Variants in RHOF observed in about 807,000 individuals in gnomAD.
RHOF encodes the protein ras homolog family member F, filopodia associated, also known as rho-related GTP-binding protein RhoF.
A neutral mutation model predicts 22.2 loss-of-function variants in RHOF; 21 were observed. That is an observed-to-expected ratio of 0.95 (90% CI 0.67 to 1.36). The LOEUF is 1.36. RHOF is among the 40% of genes most tolerant of loss of function. RHOF has a pLI of 0.00. For missense variants in RHOF, 285 were observed against 293.7 expected (o/e 0.97, Z 0.22); for synonymous variants, 135 against 131.2 (o/e 1.03, Z -0.20).
rs1874443924 is a variant in RHOF, at chr12:121,781,204, G to A, written c.227-12C>T. The A allele has an allele frequency of 6.2e-7, 1 of 1,612,404 alleles. No individual in the cohort carries two copies. Among genetic ancestry groups the A allele is most frequent in the African/African-American group, 1.3e-5 (1 of 74,910 alleles). On this transcript the variant is annotated splice_polypyrimidine_tract_variant and intron_variant, in intron 2 of 4. Transcript: ENST00000267205. ...ATAGTCTTCTTGCCCTGAAAGCACA[G>A]AGCAGCGGGGGTCAGGGGACGTCCC...
chr12:121,791,344 G>A (rs1269564992), intron 2 of RHOF, among the ~76,000 whole-genome samples: 6 of 152,162 alleles, frequency 3.9e-5, no homozygotes, highest in Non-Finnish European at 8.8e-5. Flanking sequence ...CAGGCTGGTG[G>A]ACATCATATA....
chr12:121,793,456 G>C (rs1874819839), intron 1 of RHOF, 40 bp downstream of exon 1: 1 of 1,536,196 alleles, frequency 6.5e-7, no homozygotes, highest in African/African-American at 1.4e-5. Flanking sequence ...AGGGTAAGGG[G>C]CGTCCCTCGC....
intron 4 of RHOF, chr12:121,780,013 C>G (rs1306453078): frequency 4.4e-6 from 1 of 227,826 alleles, no homozygotes; most frequent in Non-Finnish European, 8.7e-6. Flanking sequence ...CCAGCCACCT[C>G]TCTCCCTTCT....
chr12:121,785,541 C>A (rs955774071), intron 2 of RHOF, among the ~76,000 whole-genome samples: 6 of 151,490 alleles, frequency 4.0e-5, no homozygotes, highest in Non-Finnish European at 7.4e-5. Flanking sequence ...GTTCTCCTGC[C>A]TCAGCCTCTT....
chr12:121,779,151 A>G lies in RHOF; in HGVS notation c.*347T>C, dbSNP rs977288899. 28 of 279,704 alleles carry G rather than the reference A, an allele frequency of 1.0e-4. No homozygotes were observed. The highest frequency in any genetic ancestry group is 1.2e-3 in the Middle Eastern group (1 of 808). 17.3% of individuals were successfully genotyped at this position (279,704 alleles called of 1,614,324 possible). The stretch of plus-strand genomic sequence containing the variant: ...GCCCGCGTGGAACAGTGCCAGGTCT[A>G]CGTTTACCCACTACCAGATAGACTT... On this transcript the variant is annotated 3_prime_UTR_variant, in exon 5 of 5. Coordinates refer to ENST00000267205, the MANE Select transcript of RHOF (RefSeq NM_019034.3).
At chr12:121,786,913 G>A (rs1353763986) in intron 2 of RHOF, among the ~76,000 whole-genome samples, 2 of 152,064 alleles carry the variant, frequency 1.3e-5, no homozygotes, top group African/African-American at 2.4e-5. Flanking sequence ...GGCCAGGCAC[G>A]TGTAGTCCCA....
At position 121,779,278 on chromosome 12, in the gene RHOF, T is replaced by C. The variant is rs1874351835; in HGVS notation, c.*220A>G. Reference sequence around the variant, plus strand: ...AGTCCCGACAACAGACACTGGCTCCTGCACCCACATCACCACCATGTCCCA... The same window carrying C: ...AGTCCCGACAACAGACACTGGCTCCCGCACCCACATCACCACCATGTCCCA... On this transcript the variant is annotated 3_prime_UTR_variant, in exon 5 of 5. Coordinates refer to ENST00000267205, the MANE Select transcript of RHOF (RefSeq NM_019034.3). 1.7e-6 allele frequency: 1 copy of C among 588,748 alleles called. No homozygotes were observed. Among genetic ancestry groups the C allele is most frequent in the Non-Finnish European group, 3.0e-6 (1 of 332,614 alleles). The allele number at this position is 588,748 out of a possible 1,614,324, so 36.5% of individuals were successfully genotyped here. A position where few individuals can be genotyped will look rare whatever the true frequency, so the allele number is the denominator to read the frequency against.
intron 2 of RHOF, among the ~76,000 whole-genome samples, chr12:121,787,852 C>G (rs1400041632): frequency 1.5e-5 from 2 of 136,220 alleles, no homozygotes; most frequent in Non-Finnish European, 3.0e-5. Context: ...GATTGAACCA[C>G]TACACTCCAG....
Position 121,777,970 on chromosome 12 carries a change from T to A in RHOF, c.*1528A>T, listed in dbSNP as rs898927734. 6.6e-6 allele frequency: 1 copy of A among 152,126 alleles called. No homozygotes were observed. The highest frequency in any genetic ancestry group is 1.5e-5 in the Non-Finnish European group (1 of 68,054). 9.4% of individuals were successfully genotyped at this position (152,126 alleles called of 1,614,324 possible). A position where few individuals can be genotyped will look rare whatever the true frequency, so the allele number is the denominator to read the frequency against. ...AGGCTCCTTCCTTTGGCAACCTGAC[T>A]TCTTGGAAGCTCAGGTTTAGCTGAC... On this transcript the variant is annotated 3_prime_UTR_variant, in exon 5 of 5. Transcript: ENST00000267205.
rs757075007 is a variant in RHOF at position 121,779,699 on chromosome 12, C to T, written c.472-37G>A. On this transcript the variant is annotated intron_variant, in intron 4 of 4. Coordinates refer to ENST00000267205, the MANE Select transcript of RHOF (RefSeq NM_019034.3). ...GAGGAGCCAGCATTAGGTGAGGGGC[C>T]CCTGGAGGTCTCCTAGCACCACCTG... The T allele has an allele frequency of 4.3e-6, 7 of 1,609,838 alleles. No homozygotes were observed. In the Admixed American group the frequency reaches 5.0e-5, roughly 12 times the overall value.
At chr12:121,787,347 A>G (rs1874634858) in intron 2 of RHOF, among the ~76,000 whole-genome samples, 1 of 152,172 alleles carries the variant, frequency 6.6e-6, no homozygotes, top group Non-Finnish European at 1.5e-5. Context: ...TTAAGAACGC[A>G]AGTGGTGGAG....
At chr12:121,781,351 G>T in intron 2 of RHOF, 159 bp from the exon 3 acceptor site, 1 of 639,878 alleles carries the variant, frequency 1.6e-6, no homozygotes, top group Non-Finnish European at 2.7e-6. Flanking sequence ...CAGGCCTGTG[G>T]TCGCAGCTAC....
At chr12:121,780,700 G>T in intron 4 of RHOF, 172 bp downstream of exon 4, 1 of 718,584 alleles carries the variant, frequency 1.4e-6, no homozygotes, top group Non-Finnish European at 2.2e-6. Context: ...GGGAGTAGTC[G>T]TGTAAAGTGC....
chr12:121,791,819 G>C (rs1026838604), intron 2 of RHOF, among the ~76,000 whole-genome samples: 48 of 152,248 alleles, frequency 3.2e-4, no homozygotes, highest in African/African-American at 1.1e-3. Context: ...AGGGCAGTGG[G>C]TTGCTGTGAA....
At chr12:121,788,540 A>G (rs1874673917) in intron 2 of RHOF, among the ~76,000 whole-genome samples, 1 of 152,050 alleles carries the variant, frequency 6.6e-6, no homozygotes, top group African/African-American at 2.4e-5. Flanking sequence ...CCACTTGGGG[A>G]TGGGGGAGCG....
At chr12:121,789,281 A>C (rs1053915622) in intron 2 of RHOF, among the ~76,000 whole-genome samples, 4 of 151,560 alleles carry the variant, frequency 2.6e-5, no homozygotes, top group African/African-American at 9.7e-5. Context: ...CAAAGGATGC[A>C]CGTGCTTCTG....
chr12:121,786,395 T>C (rs1006422476), intron 2 of RHOF, among the ~76,000 whole-genome samples: 10 of 152,080 alleles, frequency 6.6e-5, no homozygotes, highest in Non-Finnish European at 1.3e-4. Context: ...GAGACAAGGG[T>C]TGAGACTTGC....
At chr12:121,790,426 T>C (rs986011338) in intron 2 of RHOF, among the ~76,000 whole-genome samples, 6 of 152,268 alleles carry the variant, frequency 3.9e-5, no homozygotes, top group Non-Finnish European at 7.3e-5. Context: ...CGCCTGGCCA[T>C]GGCTTTCTGT....
At chr12:121,781,228 C>G (rs749433185) in intron 2 of RHOF, 36 bp from the exon 3 acceptor site, 2 of 1,588,262 alleles carry the variant, frequency 1.3e-6, no homozygotes, top group Non-Finnish European at 1.7e-6. Flanking sequence ...AGGGGACGTC[C>G]CCTCCCTGTC....
Sources: gnomAD v4.1 joint callset for allele counts (sites outside exome capture counted in the v4.1 genomes callset) on GRCh38, gnomAD v4.1.1 for gene constraint, MANE v1.5 for transcripts, NCBI Gene and HGNC (gene_info 2026-07-23, HGNC 2026-07-21) for gene names.